The following CATSPERT variants were observed in gnomAD, a reference collection of about 807,000 sequenced individuals.
CATSPERT encodes the protein cation channel sperm-associated targeting subunit tau.
chr2:201,491,233 C>A, the CATSPERT span: 40 of 1,537,718 alleles, frequency 2.6e-5, no homozygotes, highest in Non-Finnish European at 3.4e-5. Context: ...TAGGTGAATT[C>A]TTGTGGTGGG....
chr2:201,535,757 G>A, the CATSPERT span: 19 of 1,344,378 alleles, frequency 1.4e-5, no homozygotes, highest in Non-Finnish European at 1.8e-5. Context: ...ATGCATTTTC[G>A]ATTTATTTGT....
chr2:201,617,204 A>C, the CATSPERT span, among the ~76,000 whole-genome samples: 3 of 151,952 alleles, frequency 2.0e-5, no homozygotes, highest in African/African-American at 7.2e-5. Context: ...ATTGGAAAAA[A>C]TACTTTAAAG....
chr2:201,582,301 ATATTATGCAAATAT>A, the CATSPERT span: 13 of 1,256,208 alleles, frequency 1.0e-5, no homozygotes, highest in South Asian at 6.2e-5. Flanking sequence ...TACTATTACT[ATATTATGCAAATAT>A]TATTATGCAA....
chr2:201,508,857 A>G, the CATSPERT span, among the ~76,000 whole-genome samples: 494 of 151,680 alleles, frequency 3.3e-3, 3 homozygotes, highest in Non-Finnish European at 4.8e-3. Context: ...TTGTATTTAT[A>G]TACCACAGTT....
the CATSPERT span, among the ~76,000 whole-genome samples, chr2:201,588,959 CCAA>C: frequency 1.3e-5 from 2 of 151,912 alleles, no homozygotes; most frequent in African/African-American, 4.8e-5. Context: ...TTCCTATACA[CCAA>C]CAACAAGCCA....
At chr2:201,567,886 A>C in the CATSPERT span, among the ~76,000 whole-genome samples, 1 of 152,212 alleles carries the variant, frequency 6.6e-6, no homozygotes, top group African/African-American at 2.4e-5. Context: ...CAAATGGCAG[A>C]GCAGCTTGCA....
At chr2:201,573,022 T>C in the CATSPERT span, among the ~76,000 whole-genome samples, 1 of 152,172 alleles carries the variant, frequency 6.6e-6, no homozygotes, top group Non-Finnish European at 1.5e-5. Flanking sequence ...ATTTCCCCTA[T>C]ATAACAGCAG....
At chr2:201,521,756 C>G in the CATSPERT span, among the ~76,000 whole-genome samples, 1 of 152,102 alleles carries the variant, frequency 6.6e-6, no homozygotes, top group African/African-American at 2.4e-5. Context: ...AAGTCCTAAA[C>G]AAAATGCTAA....
chr2:201,510,321 A>G, the CATSPERT span, among the ~76,000 whole-genome samples: 4 of 143,132 alleles, frequency 2.8e-5, no homozygotes, highest in Admixed American at 6.7e-5. Flanking sequence ...GTGTGCGCCT[A>G]TAGTCCCAGC....
the CATSPERT span, among the ~76,000 whole-genome samples, chr2:201,575,034 C>CAA: frequency 5.7e-3 from 562 of 97,844 alleles, 7 homozygotes; most frequent in African/African-American, 0.016. Context: ...CACCATTTAG[C>CAA]AAAAAAAAAA....
At chr2:201,618,884 G>GC in the CATSPERT span, 21 of 1,612,004 alleles carry the variant, frequency 1.3e-5, 1 homozygote, top group Middle Eastern at 3.4e-4. Flanking sequence ...TGCCGGCCAG[G>GC]CCCCCGCTCA....
the CATSPERT span, among the ~76,000 whole-genome samples, chr2:201,564,834 A>G: frequency 6.6e-6 from 1 of 152,222 alleles, no homozygotes. Context: ...CAAACCATTC[A>G]ATCTATGGTA....
At chr2:201,519,368 A>G in the CATSPERT span, among the ~76,000 whole-genome samples, 1 of 151,598 alleles carries the variant, frequency 6.6e-6, no homozygotes, top group Non-Finnish European at 1.5e-5. Flanking sequence ...ATCTAAACAA[A>G]TAAGTCTTTC....
At chr2:201,519,548 A>C in the CATSPERT span, among the ~76,000 whole-genome samples, 25 of 152,298 alleles carry the variant, frequency 1.6e-4, no homozygotes, top group South Asian at 5.2e-3. Context: ...AAAAATATTC[A>C]AAATAATAAT....
the CATSPERT span, chr2:201,565,968 CTT>C: frequency 8.6e-7 from 1 of 1,169,310 alleles, no homozygotes; most frequent in Non-Finnish European, 1.1e-6. Context: ...CTCTTTTACA[CTT>C]TTAGCTCACC....
chr2:201,544,711 G>A, the CATSPERT span, among the ~76,000 whole-genome samples: 23 of 151,822 alleles, frequency 1.5e-4, no homozygotes, highest in African/African-American at 4.8e-4. Flanking sequence ...TTGGCCAAGC[G>A]TGGTGGCTTA....
chr2:201,595,753 CACAG>C, the CATSPERT span, among the ~76,000 whole-genome samples: 1 of 152,026 alleles, frequency 6.6e-6, no homozygotes. Context: ...TTTGGCAGGG[CACAG>C]ACAAACGGAT....
At chr2:201,578,317 T>C in the CATSPERT span, among the ~76,000 whole-genome samples, 1 of 152,110 alleles carries the variant, frequency 6.6e-6, no homozygotes, top group Admixed American at 6.6e-5. Context: ...GCAAAAACCT[T>C]GCATTATAAA....
the CATSPERT span, among the ~76,000 whole-genome samples, chr2:201,598,936 G>C: frequency 6.6e-6 from 1 of 152,052 alleles, no homozygotes; most frequent in African/African-American, 2.4e-5. Flanking sequence ...ATTATCCCAG[G>C]GCCAGGTATT....
Sources: gnomAD v4.1 joint callset for allele counts (sites outside exome capture counted in the v4.1 genomes callset) on GRCh38, gnomAD v4.1.1 for gene constraint, MANE v1.5 for transcripts, NCBI Gene and HGNC (gene_info 2026-07-23, HGNC 2026-07-21) for gene names.